FOXN3: variants seen among roughly 807,000 people sequenced by gnomAD.
The protein encoded by FOXN3 is forkhead box N3, also known as forkhead box protein N3.
A neutral mutation model predicts 38.4 loss-of-function variants in FOXN3; 7 were observed. The ratio of observed to expected loss-of-function variants is 0.18; its 90% CI spans 0.10 to 0.34. The LOEUF is 0.34. Ranked by LOEUF, FOXN3 falls within the 10% of genes least tolerant of loss-of-function variation. FOXN3 has a pLI of 1.00. For synonymous variants in FOXN3, 230 were observed against 242.2 expected, an observed-to-expected ratio of 0.95 and a Z score of 0.47; for missense variants, 456 against 613.4, an observed-to-expected ratio of 0.74 and a Z score of 2.71.
At chr14:89,445,059 C>T (rs913932117) in intron 1 of FOXN3, among the ~76,000 whole-genome samples, 1 of 151,828 alleles carries the variant, frequency 6.6e-6, no homozygotes, top group Non-Finnish European at 1.5e-5. Context: ...GAGGTTGAGG[C>T]TGAAGTGGGC....
At chr14:89,544,782 T>C (rs1360165261) in intron 1 of FOXN3, among the ~76,000 whole-genome samples, 1 of 152,110 alleles carries the variant, frequency 6.6e-6, no homozygotes, top group African/African-American at 2.4e-5. Context: ...GGGTAGTATA[T>C]ACAGTGTAGA....
rs150638789 is a variant in FOXN3 at position 89,352,350 on chromosome 14, A to G, written c.544-1542T>C. Among the ~76,000 whole-genome samples, 422 of 152,330 alleles carry G rather than the reference A, an allele frequency of 2.8e-3. 2 individuals are homozygous for G. The highest frequency in any genetic ancestry group is 9.8e-3 in the African/African-American group (409 of 41,574). ...ACTTTGCAAGTAAATCAGGCGGGCC[A>G]CTCAATAATCTGCCCTGGAAGCTTC... On this transcript the variant is annotated intron_variant, in intron 2 of 5. Transcript: ENST00000557258.
At chr14:89,373,577 G>A (rs1199355581) in intron 2 of FOXN3, among the ~76,000 whole-genome samples, 1 of 152,136 alleles carries the variant, frequency 6.6e-6, no homozygotes, top group African/African-American at 2.4e-5. Flanking sequence ...ATTTATTTGT[G>A]AGGTTGTGAC....
At chr14:89,495,093 C>G (rs539358453) in intron 1 of FOXN3, among the ~76,000 whole-genome samples, 3 of 152,326 alleles carry the variant, frequency 2.0e-5, no homozygotes, top group African/African-American at 7.2e-5. Flanking sequence ...GGGTAATATT[C>G]ATCACGGTAG....
chr14:89,357,378 G>A (rs540482727), intron 2 of FOXN3, among the ~76,000 whole-genome samples: 45 of 152,182 alleles, frequency 3.0e-4, no homozygotes, highest in African/African-American at 8.9e-4. Flanking sequence ...AGGCTGAAGC[G>A]GGTGGATCAT....
intron 1 of FOXN3, among the ~76,000 whole-genome samples, chr14:89,512,029 G>A (rs1894104239): frequency 2.6e-5 from 4 of 152,140 alleles, no homozygotes; most frequent in Admixed American, 2.6e-4. Flanking sequence ...ATGAGATTTG[G>A]GTGGGGACGT....
At chr14:89,503,702 G>A (rs547528610) in intron 1 of FOXN3, among the ~76,000 whole-genome samples, 1 of 152,290 alleles carries the variant, frequency 6.6e-6, no homozygotes, top group African/African-American at 2.4e-5. Context: ...AGCCTGGCTC[G>A]GTTACAAGTG....
At chr14:89,467,804 G>GTTTTTTTTTTTTTTTT (rs68132432) in intron 1 of FOXN3, among the ~76,000 whole-genome samples, 2 of 56,578 alleles carry the variant, frequency 3.5e-5, no homozygotes, top group African/African-American at 6.7e-5. Context: ...TTCTTTCTTT[G>GTTTTTTTTTTTTTTTT]TTTTTTTTTT....
At chr14:89,393,161 G>A (rs1158720584) in intron 2 of FOXN3, among the ~76,000 whole-genome samples, 1 of 151,622 alleles carries the variant, frequency 6.6e-6, no homozygotes, top group African/African-American at 2.4e-5. Flanking sequence ...GGCTGGTCTC[G>A]AACTCCTGAC....
chr14:89,452,447 C>A (rs575793682), intron 1 of FOXN3, among the ~76,000 whole-genome samples: 23 of 152,316 alleles, frequency 1.5e-4, no homozygotes, highest in African/African-American at 5.5e-4. Flanking sequence ...ATCACAGGAG[C>A]TGCACTAATG....
chr14:89,239,085 C>T (rs1005526424), intron 4 of FOXN3, among the ~76,000 whole-genome samples: 2 of 152,170 alleles, frequency 1.3e-5, no homozygotes, highest in African/African-American at 4.8e-5. Flanking sequence ...TAGTGTTAAA[C>T]AGTTAGATGT....
At chr14:89,308,414 A>G (rs144598466) in intron 3 of FOXN3, among the ~76,000 whole-genome samples, 3 of 152,276 alleles carry the variant, frequency 2.0e-5, no homozygotes, top group African/African-American at 4.8e-5. Flanking sequence ...TTCTGTGCAG[A>G]TGCACGCACT....
At chr14:89,427,301 C>CAT (rs770502014) in intron 1 of FOXN3, among the ~76,000 whole-genome samples, 1 of 67,744 alleles carries the variant, frequency 1.5e-5, no homozygotes, top group Admixed American at 2.4e-4. Context: ...GAAAAGGGGA[C>CAT]TTTTTTTTTT....
At position 89,511,245 on chromosome 14, in the gene FOXN3, T is replaced by TC. The variant is rs1240766943; in HGVS notation, c.-14-98756dup. Among the ~76,000 whole-genome samples, 203 of 28,020 alleles carry TC rather than the reference T, an allele frequency of 7.2e-3. 46 individuals are homozygous for TC. Among genetic ancestry groups the TC allele is most frequent in the African/African-American group, 0.011 (162 of 14,558 alleles). 18.4% of individuals were successfully genotyped at this position (28,020 alleles called of 152,430 possible). A position where few individuals can be genotyped will look rare whatever the true frequency, so the allele number is the denominator to read the frequency against. ...TTTCTTTCTTTTCTTTCCTTTTCTT[T>TC]CTTTTCTTTCTTTCTTTCTTTCTTT... On this transcript the variant is annotated intron_variant, in intron 1 of 6. Transcript: ENST00000345097.
chr14:89,169,013 T>C (rs1283854284), intron 5 of FOXN3, among the ~76,000 whole-genome samples: 1 of 152,194 alleles, frequency 6.6e-6, no homozygotes, highest in African/African-American at 2.4e-5. Context: ...GGGCAAAATA[T>C]AACTTTTCAG....
intron 1 of FOXN3, among the ~76,000 whole-genome samples, chr14:89,449,379 C>T (rs144488940): frequency 3.3e-4 from 50 of 152,290 alleles, no homozygotes; most frequent in East Asian, 3.9e-4. Flanking sequence ...CATACACATA[C>T]CTACACAATA....
Position 89,378,951 on chromosome 14 carries a change from C to T in FOXN3, c.544-28143G>A, listed in dbSNP as rs185244652. On this transcript the variant is annotated intron_variant, in intron 2 of 5. Coordinates refer to ENST00000557258, the MANE Select transcript of FOXN3 (RefSeq NM_005197.4). ...CAATCCCTGGACCTCAAGTGATCCA[C>T]CTGCCTTGGCCTCCCAAAGGGGTGG... Among the ~76,000 whole-genome samples, 500 of 152,312 alleles carry T rather than the reference C, an allele frequency of 3.3e-3. 2 individuals carry two copies. The highest frequency in any genetic ancestry group is 0.012 in the African/African-American group (491 of 41,568).
At position 89,412,582 on chromosome 14, in the gene FOXN3, C is replaced by T. The variant is rs3825664; in HGVS notation, c.-14-92G>A. The stretch of plus-strand genomic sequence containing the variant: ...CTCTGATCCTGTTGCCTCCCTCTGC[C>T]GCCTCTATGGAACCCCTGCTACACA... On this transcript the variant is annotated intron_variant, in intron 1 of 5. Coordinates refer to ENST00000557258, the MANE Select transcript of FOXN3 (RefSeq NM_005197.4). This position sits in a 1 kb window ranked among gnomAD's most constrained non-coding sequence, Gnocchi z 4.7. The T allele has an allele frequency of 1.4e-5, 15 of 1,042,454 alleles. No homozygotes were observed. The highest frequency in any genetic ancestry group is 5.1e-5 in the East Asian group (2 of 39,536). The allele number at this position is 1,042,454 out of a possible 1,614,324, so 64.6% of individuals were successfully genotyped here.
chr14:89,468,860 C>T (rs1298849789), intron 1 of FOXN3, among the ~76,000 whole-genome samples: 1 of 152,104 alleles, frequency 6.6e-6, no homozygotes, highest in Non-Finnish European at 1.5e-5. Flanking sequence ...AGAAAATCCA[C>T]CAGACATATT....
Sources: allele counts gnomAD v4.1 joint callset (sites outside exome capture counted in the v4.1 genomes callset), GRCh38; gene constraint gnomAD v4.1.1; non-coding constraint Gnocchi (gnomAD v3.1); transcripts MANE v1.5; gene names NCBI Gene and HGNC (gene_info 2026-07-23, HGNC 2026-07-21).